PRSS23: variants seen among roughly 807,000 people sequenced by gnomAD.
The protein encoded by PRSS23 is serine protease 23.
Under a neutral mutation model 34.7 loss-of-function variants are expected in PRSS23, and 25 were observed. The observed-to-expected ratio is 0.72, with a 90% CI of 0.53 to 1.01. PRSS23 has a LOEUF of 1.01. Ranked by LOEUF, PRSS23 falls within the 50% of genes least tolerant of loss-of-function variation. PRSS23 has a pLI of 0.00. For synonymous variants in PRSS23, 176 were observed against 186.6 expected, an observed-to-expected ratio of 0.94 and a Z score of 0.46; for missense variants, 445 against 475.6, an observed-to-expected ratio of 0.94 and a Z score of 0.60.
chr11:86,951,307 C>A, exon 3 of PRSS23: 9 of 1,614,112 alleles, frequency 5.6e-6, no homozygotes, highest in Non-Finnish European at 7.6e-6. Flanking sequence ...CCAACAAAGA[C>A]ATAAAAATTT....
At chr11:86,817,325 G>A (rs187891781) in intron 1 of PRSS23, among the ~76,000 whole-genome samples, 1 of 152,182 alleles carries the variant, frequency 6.6e-6, no homozygotes, top group South Asian at 2.1e-4. Context: ...TCTGTCCAGA[G>A]AATTAAGTTA....
intron 2 of PRSS23, among the ~76,000 whole-genome samples, chr11:86,829,028 C>G (rs1324481164): frequency 1.3e-5 from 2 of 152,120 alleles, no homozygotes; most frequent in African/African-American, 4.8e-5. Context: ...TTTCCTGAAT[C>G]TGAATGTTGG....
At chr11:86,798,828 G>A (rs1947999465), upstream of PRSS23, among the ~76,000 whole-genome samples, 1 of 152,122 alleles carries the variant, frequency 6.6e-6, no homozygotes, top group Non-Finnish European at 1.5e-5. Flanking sequence ...AAATAGCTGA[G>A]ACCACAGGCG....
chr11:86,876,131 T>G (rs1035743580), intron 2 of PRSS23, among the ~76,000 whole-genome samples: 1 of 152,050 alleles, frequency 6.6e-6, no homozygotes, highest in Non-Finnish European at 1.5e-5. Context: ...GTGTGAGAAT[T>G]AGAATAATAA....
chr11:86,920,219 T>C (rs1949038963), intron 2 of PRSS23, among the ~76,000 whole-genome samples: 1 of 152,236 alleles, frequency 6.6e-6, no homozygotes, highest in Admixed American at 6.5e-5. Context: ...TTCTATGCCA[T>C]AGTTTTTCCA....
chr11:86,935,573 T>C (rs542114165), intron 2 of PRSS23: 8 of 152,354 alleles, frequency 5.3e-5, no homozygotes, highest in African/African-American at 1.7e-4. Context: ...GTTGCATTGT[T>C]GTCATTATCA....
At chr11:86,928,674 C>CAA (rs1212658424) in intron 2 of PRSS23, among the ~76,000 whole-genome samples, 388 of 13,530 alleles carry the variant, frequency 0.029, 57 homozygotes, top group African/African-American at 0.047. Context: ...GACTCTGTCT[C>CAA]AAAAAAAAAA....
At chr11:86,838,083 T>C (rs1485986622) in intron 2 of PRSS23, among the ~76,000 whole-genome samples, 2 of 152,128 alleles carry the variant, frequency 1.3e-5, no homozygotes, top group African/African-American at 2.4e-5. Context: ...CTTTTTTTTT[T>C]TTCAATTTTT....
chr11:86,805,348 C>T (rs979262658), intron 1 of PRSS23, among the ~76,000 whole-genome samples: 1 of 152,202 alleles, frequency 6.6e-6, no homozygotes, highest in Non-Finnish European at 1.5e-5. Flanking sequence ...GCCAAGTTCT[C>T]CATTGGAGAG....
At chr11:86,822,467 A>G (rs1262469628) in intron 1 of PRSS23, among the ~76,000 whole-genome samples, 1 of 152,066 alleles carries the variant, frequency 6.6e-6, no homozygotes, top group Non-Finnish European at 1.5e-5. Flanking sequence ...CACAACATCG[A>G]AAAATTAGCT....
At chr11:86,814,825 G>T (rs1948204056), downstream of PRSS23, among the ~76,000 whole-genome samples, 2 of 152,182 alleles carry the variant, frequency 1.3e-5, no homozygotes, top group Non-Finnish European at 2.9e-5. Context: ...ATGGGCTCAG[G>T]GAGGCCCTCT....
intron 2 of PRSS23, among the ~76,000 whole-genome samples, chr11:86,826,027 G>T (rs1398413260): frequency 1.3e-5 from 2 of 152,126 alleles, no homozygotes; most frequent in African/African-American, 2.4e-5. Context: ...AAAGTCATTG[G>T]TAGCTTGATG....
intron 2 of PRSS23, among the ~76,000 whole-genome samples, chr11:86,907,065 T>A (rs921448297): frequency 6.6e-6 from 1 of 152,348 alleles, no homozygotes; most frequent in East Asian, 1.9e-4. Context: ...TTTGTGTACA[T>A]CCAGGGGACA....
chr11:86,852,941 C>T (rs1301310811), intron 2 of PRSS23, among the ~76,000 whole-genome samples: 1 of 152,140 alleles, frequency 6.6e-6, no homozygotes, highest in Non-Finnish European at 1.5e-5. Context: ...GCAACCTCCA[C>T]ATCGTGGGTT....
intron 2 of PRSS23, among the ~76,000 whole-genome samples, chr11:86,836,256 C>T (rs528898081): frequency 9.9e-5 from 15 of 152,234 alleles, no homozygotes; most frequent in South Asian, 4.1e-4. Flanking sequence ...GGCTATTGCA[C>T]GGTTTTACTA....
At chr11:86,834,362 C>G (rs963736433) in intron 2 of PRSS23, among the ~76,000 whole-genome samples, 1 of 152,116 alleles carries the variant, frequency 6.6e-6, no homozygotes, top group Non-Finnish European at 1.5e-5. Flanking sequence ...TGAGGTTCCC[C>G]ATTCTATTTC....
downstream of PRSS23, among the ~76,000 whole-genome samples, chr11:86,812,517 G>T (rs1197182901): frequency 6.6e-6 from 1 of 152,202 alleles, no homozygotes; most frequent in East Asian, 1.9e-4. Context: ...GCCGGGCATG[G>T]TGGCTCATGT....
intron 2 of PRSS23, among the ~76,000 whole-genome samples, chr11:86,852,872 GA>G (rs2134920800): frequency 6.6e-6 from 1 of 151,788 alleles, no homozygotes; most frequent in South Asian, 2.1e-4. Context: ...GTTTGTTTTG[GA>G]GACAGAATCT....
Position 86,809,776 on chromosome 11 carries a change from A to C in PRSS23, c.*981A>C, listed in dbSNP as rs1393947731. On this transcript the variant is annotated 3_prime_UTR_variant, in exon 2 of 2. Coordinates refer to ENST00000280258, the MANE Select transcript of PRSS23 (RefSeq NM_007173.6). ...TGAATTAAATTCCAGAGAACAATGGAAGCATTGCCTGGCAGATGTCACAAC... is the reference window on the plus strand; with the variant it reads ...TGAATTAAATTCCAGAGAACAATGGCAGCATTGCCTGGCAGATGTCACAAC... 6.0e-6 allele frequency: 1 copy of C among 167,046 alleles called. No individual in the cohort carries two copies. The highest frequency in any genetic ancestry group is 2.4e-5 in the African/African-American group (1 of 41,452). The allele number at this position is 167,046 out of a possible 1,614,324, so 10.3% of individuals were successfully genotyped here.
Sources: gnomAD v4.1 joint callset for allele counts (sites outside exome capture counted in the v4.1 genomes callset) on GRCh38, gnomAD v4.1.1 for gene constraint, MANE v1.5 for transcripts, NCBI Gene and HGNC (gene_info 2026-07-23, HGNC 2026-07-21) for gene names.